LRRFIP1: variants seen among roughly 807,000 people sequenced by gnomAD.
The protein encoded by LRRFIP1 is LRR binding FLII interacting protein 1.
Under a neutral mutation model 104.4 loss-of-function variants are expected in LRRFIP1, and 62 were observed. That is an observed-to-expected ratio of 0.59 (90% CI 0.48 to 0.73). The LOEUF (loss-of-function observed/expected upper bound fraction) is 0.73, where lower values mean the gene tolerates loss of function less well. LRRFIP1 is among the 30% of genes least tolerant of loss of function. The probability of loss-of-function intolerance (pLI) is 0.00; values close to 1 mark genes in which losing one functional copy is unlikely to be tolerated. For synonymous variants in LRRFIP1, 300 were observed against 299.0 expected, an observed-to-expected ratio of 1.00 and a Z score of -0.03; for missense variants, 796 against 824.5, an observed-to-expected ratio of 0.97 and a Z score of 0.42.
chr2:237,716,180 A>T (rs1440158991), intron 3 of LRRFIP1, among the ~76,000 whole-genome samples: 2 of 152,236 alleles, frequency 1.3e-5, no homozygotes. Context: ...GGGAGGAGTG[A>T]TGGCATCATA....
At chr2:237,721,659 T>G (rs908379222) in intron 6 of LRRFIP1, 1 of 152,206 alleles carries the variant, frequency 6.6e-6, no homozygotes, top group Non-Finnish European at 1.5e-5. Flanking sequence ...CTGTGGCAAT[T>G]AAATCCTATT....
At chr2:237,745,162 G>A (rs1053768953) in intron 11 of LRRFIP1, among the ~76,000 whole-genome samples, 4 of 152,212 alleles carry the variant, frequency 2.6e-5, no homozygotes, top group Non-Finnish European at 5.9e-5. Context: ...GCTTCTGTCC[G>A]GGCCCGGCCC....
rs2061381041 is a variant in LRRFIP1, at chr2:237,779,760, G to A, written c.*228G>A. ...TGGCCCGGGCTGGCGCCGACGCTCA[G>A]AACCTGCAGGTACTTCATAAGCACA... is the stretch of plus-strand genomic sequence containing the variant. On this transcript the variant is annotated 3_prime_UTR_variant, in exon 24 of 24. Coordinates refer to ENST00000308482, the MANE Select transcript of LRRFIP1 (RefSeq NM_001137550.2). 7.1e-6 allele frequency: 3 copies of A among 422,616 alleles called. No homozygotes were observed. The highest frequency in any genetic ancestry group is 1.3e-5 in the Non-Finnish European group (3 of 227,220). The allele number at this position is 422,616 out of a possible 1,614,324, so 26.2% of individuals were successfully genotyped here. A position where few individuals can be genotyped will look rare whatever the true frequency, so the allele number is the denominator to read the frequency against.
chr2:237,651,130 C>T (rs994981373), intron 1 of LRRFIP1, among the ~76,000 whole-genome samples: 3 of 152,246 alleles, frequency 2.0e-5, no homozygotes, highest in South Asian at 2.1e-4. Context: ...GTCAAACATA[C>T]CCCAAATTAG....
intron 1 of LRRFIP1, among the ~76,000 whole-genome samples, chr2:237,667,670 C>T (rs1035112538): frequency 6.6e-6 from 1 of 152,206 alleles, no homozygotes; most frequent in East Asian, 1.9e-4. Flanking sequence ...TACACTCCCA[C>T]CAACAGTGTC....
At chr2:237,712,568 G>A (rs1381480725) in intron 2 of LRRFIP1, among the ~76,000 whole-genome samples, 1 of 152,220 alleles carries the variant, frequency 6.6e-6, no homozygotes, top group East Asian at 1.9e-4. Context: ...GTGCTTTTAT[G>A]TGACCCAAAG....
rs1576483944 is a variant in LRRFIP1, at chr2:237,781,472, T to C, written c.*1940T>C. ...CAGGTGTCTCACAGCCCTGAGAAGA[T>C]GGCGTTTTCCCTATCAGTGGCTCTG... On this transcript the variant is annotated 3_prime_UTR_variant, in exon 24 of 24. Transcript: ENST00000308482. Among the ~76,000 whole-genome samples, 1 of 152,284 alleles carries C rather than the reference T, an allele frequency of 6.6e-6. No individual in the cohort carries two copies. Among genetic ancestry groups the C allele is most frequent in the Middle Eastern group, 3.4e-3 (1 of 294 alleles).
intron 1 of LRRFIP1, among the ~76,000 whole-genome samples, chr2:237,677,586 G>A (rs955052352): frequency 6.6e-6 from 1 of 152,140 alleles, no homozygotes; most frequent in African/African-American, 2.4e-5. Context: ...AAGGCCAGGG[G>A]TTTGAGACCA....
At chr2:237,706,187 A>G (rs769928386) in intron 1 of LRRFIP1, among the ~76,000 whole-genome samples, 1 of 152,026 alleles carries the variant, frequency 6.6e-6, no homozygotes, top group Non-Finnish European at 1.5e-5. Context: ...CCACGTTCCC[A>G]CACAGTGGGA....
rs79895014 is a variant in LRRFIP1, at chr2:237,772,744, G to C, written c.1628-122G>C. On this transcript the variant is annotated intron_variant, in intron 21 of 23. Coordinates refer to ENST00000308482, the MANE Select transcript of LRRFIP1 (RefSeq NM_001137550.2). ...TCAGCTCTGGGAGGTTGTGGAGGCA[G>C]GGCCAGAACTAACAGATTTGTGAGA... The C allele has an allele frequency of 0.013, 9,015 of 693,996 alleles. 557 individuals carry two copies. The African/African-American group carries it at 0.14, about 11-fold the overall frequency. The allele number at this position is 693,996 out of a possible 1,614,324, so 43.0% of individuals were successfully genotyped here. A position where few individuals can be genotyped will look rare whatever the true frequency, so the allele number is the denominator to read the frequency against.
intron 1 of LRRFIP1, among the ~76,000 whole-genome samples, chr2:237,686,499 A>G (rs1231335617): frequency 6.6e-6 from 1 of 152,214 alleles, no homozygotes; most frequent in Non-Finnish European, 1.5e-5. Flanking sequence ...CCATCTATCC[A>G]TCTACCCACC....
chr2:237,701,366 A>G (rs2093513604), intron 1 of LRRFIP1, among the ~76,000 whole-genome samples: 1 of 152,078 alleles, frequency 6.6e-6, no homozygotes. Context: ...CTTAGGCAGT[A>G]CTCCCACTGC....
At chr2:237,720,675 G>A (rs2094505961) in intron 5 of LRRFIP1, 97 bp from the exon 6 acceptor site, 3 of 1,051,148 alleles carry the variant, frequency 2.9e-6, no homozygotes. Flanking sequence ...GCTGTGGGTT[G>A]GGGTCAGTTC....
intron 13 of LRRFIP1, 149 bp downstream of exon 13, chr2:237,749,473 T>C (rs2058308948): frequency 1.0e-6 from 1 of 955,254 alleles, no homozygotes. Flanking sequence ...GGTGTTCTCC[T>C]AACATCAAGA....
At chr2:237,727,368 A>G (rs944931114) in intron 7 of LRRFIP1, among the ~76,000 whole-genome samples, 1 of 152,068 alleles carries the variant, frequency 6.6e-6, no homozygotes, top group Non-Finnish European at 1.5e-5. Context: ...AAAAAAAAAA[A>G]AAAAAGAAAT....
At chr2:237,751,629 G>A (rs2058642959) in intron 14 of LRRFIP1, among the ~76,000 whole-genome samples, 1 of 152,192 alleles carries the variant, frequency 6.6e-6, no homozygotes, top group South Asian at 2.1e-4. Context: ...TTTTGTAGTA[G>A]TTGTATACAA....
intron 1 of LRRFIP1, among the ~76,000 whole-genome samples, chr2:237,653,892 A>G (rs1248671195): frequency 6.6e-6 from 1 of 152,256 alleles, no homozygotes; most frequent in Non-Finnish European, 1.5e-5. Flanking sequence ...ACCTGAAACT[A>G]TAAAACTAGT....
intron 11 of LRRFIP1, among the ~76,000 whole-genome samples, chr2:237,744,492 G>T (rs2057541999): frequency 6.6e-6 from 1 of 152,160 alleles, no homozygotes; most frequent in East Asian, 1.9e-4. Context: ...GCCTCACCAG[G>T]CATCGTGTGT....
rs966975586 is a variant in LRRFIP1, at chr2:237,691,472, G to T, written c.97-17072G>T. On this transcript the variant is annotated intron_variant, in intron 1 of 23. Transcript: ENST00000308482. This position sits in a 1 kb window ranked among gnomAD's most constrained non-coding sequence, Gnocchi z 5.4. ...GCACCCTGCAAGCTCGTTCTCCCCT[G>T]CGGGCCGCCGCACCGGGCCAAGGGG... is the stretch of plus-strand genomic sequence containing the variant. Among the ~76,000 whole-genome samples the T allele has an allele frequency of 5.3e-5, 8 of 152,208 alleles. No individual in the cohort carries two copies. The highest frequency in any genetic ancestry group is 1.2e-4 in the Non-Finnish European group (8 of 68,026).
Sources: allele counts gnomAD v4.1 joint callset (sites outside exome capture counted in the v4.1 genomes callset), GRCh38; gene constraint gnomAD v4.1.1; non-coding constraint Gnocchi (gnomAD v3.1); transcripts MANE v1.5; gene names NCBI Gene and HGNC (gene_info 2026-07-23, HGNC 2026-07-21).